Variants in NLGN1 observed in about 807,000 individuals in gnomAD.
The protein encoded by NLGN1 is neuroligin-1.
In NLGN1, 12 loss-of-function variants were observed where a neutral mutation model predicts 65.5. The observed-to-expected ratio is 0.18, with a 90% confidence interval of 0.12 to 0.30. The LOEUF is 0.30. Ranked by LOEUF, NLGN1 falls within the 10% of genes least tolerant of loss-of-function variation. The pLI, the probability that NLGN1 is intolerant of heterozygous loss-of-function variation, is 1.00. For missense variants in NLGN1, 750 were observed against 1,007.1 expected (o/e 0.74, Z 3.46); for synonymous variants, 350 against 359.5 (o/e 0.97, Z 0.30).
At chr3:173,438,087 G>A (rs1329195543) in intron 2 of NLGN1, among the ~76,000 whole-genome samples, 1 of 151,544 alleles carries the variant, frequency 6.6e-6, no homozygotes. Flanking sequence ...ATTCATTTGG[G>A]GTTTATAGCA....
Position 174,279,104 on chromosome 3 carries a change from A to G in NLGN1, c.1103A>G (p.Asp368Gly). The G allele has an allele frequency of 6.2e-7, 1 of 1,613,258 alleles. No homozygotes were observed. The change falls in exon 6 of 7, where the codon GAC becomes GGC. Residue 368 changes from aspartate to glycine, a missense_variant. Physicochemically the swap from Asp to Gly is moderately conservative, Grantham distance 94. Transcript: ENST00000457714. The surrounding 1 kb of genome is among the most constrained non-coding windows in gnomAD (Gnocchi z 4.7). ...ATTGATGGTGATGTAATACCAGACGACCCCCAGATATTGATGGAGCAAGGA... is the reference window on the plus strand; with the variant it reads ...ATTGATGGTGATGTAATACCAGACGGCCCCCAGATATTGATGGAGCAAGGA...
At chr3:173,520,220 C>A (rs746462562) in intron 2 of NLGN1, among the ~76,000 whole-genome samples, 17 of 152,152 alleles carry the variant, frequency 1.1e-4, no homozygotes, top group Non-Finnish European at 2.2e-4. Context: ...GCCAATTAAA[C>A]CTCTTTACAA....
chr3:174,219,009 A>G (rs1738149456), intron 4 of NLGN1, among the ~76,000 whole-genome samples: 1 of 152,084 alleles, frequency 6.6e-6, no homozygotes, highest in Non-Finnish European at 1.5e-5. Flanking sequence ...ATTTTCTACC[A>G]TATTTGTTCA....
intron 1 of NLGN1, among the ~76,000 whole-genome samples, chr3:173,406,276 GAACAAAGAA>G (rs1718633880): frequency 6.6e-6 from 1 of 151,608 alleles, no homozygotes. Flanking sequence ...TTTCCACCAA[GAACAAAGAA>G]AACTTATGCA....
intron 4 of NLGN1, among the ~76,000 whole-genome samples, chr3:174,190,568 A>G (rs573014661): frequency 2.6e-5 from 4 of 152,036 alleles, no homozygotes; most frequent in African/African-American, 7.2e-5. Flanking sequence ...CTATATTAAC[A>G]TATGCATGTA....
intron 3 of NLGN1, among the ~76,000 whole-genome samples, chr3:173,630,785 T>TA: frequency 6.6e-6 from 1 of 152,280 alleles, no homozygotes; most frequent in Non-Finnish European, 1.5e-5. Flanking sequence ...ATGCCTTACT[T>TA]ACATTTTCTT....
At chr3:174,011,287 G>T (rs2152441556) in intron 4 of NLGN1, among the ~76,000 whole-genome samples, 1 of 152,224 alleles carries the variant, frequency 6.6e-6, no homozygotes, top group East Asian at 1.9e-4. Flanking sequence ...TTTAGTGTTT[G>T]TTGGCTTTTC....
chr3:173,456,488 A>G (rs1371118363), intron 2 of NLGN1, among the ~76,000 whole-genome samples: 3 of 152,172 alleles, frequency 2.0e-5, no homozygotes, highest in African/African-American at 4.8e-5. Context: ...TTTACATATT[A>G]GTGTTAATAT....
In NLGN1 at chr3:173,880,568, GT is replaced by G. The variant is rs1217124944; in HGVS notation, c.646+72739del. ...TCCATTAGGTGTACAATATAAGTAT[GT>G]TTAAAAATATATATATATTAATTTA... On this transcript the variant is annotated intron_variant, in intron 4 of 6. Transcript: ENST00000457714. Among the ~76,000 whole-genome samples the G allele has an allele frequency of 3.3e-5, 5 of 150,746 alleles. No individual in the cohort carries two copies. In the East Asian group the frequency reaches 9.7e-4, roughly 29 times the overall value.
intron 4 of NLGN1, among the ~76,000 whole-genome samples, chr3:173,956,109 A>C (rs1422436112): frequency 6.6e-6 from 1 of 152,090 alleles, no homozygotes; most frequent in Non-Finnish European, 1.5e-5. Flanking sequence ...CAAGTACCCA[A>C]ATTTGATAAG....
intron 2 of NLGN1, among the ~76,000 whole-genome samples, chr3:173,593,186 C>T (rs1305626361): frequency 1.3e-5 from 2 of 152,104 alleles, no homozygotes; most frequent in African/African-American, 4.8e-5. Flanking sequence ...AATTGACTTA[C>T]TTAAAGTCTA....
chr3:174,091,089 C>T lies in NLGN1; in HGVS notation c.647-184226C>T, dbSNP rs147116853. Among the ~76,000 whole-genome samples the T allele has an allele frequency of 8.6e-3, 1,304 of 152,164 alleles. 17 individuals carry two copies. The highest frequency in any genetic ancestry group is 0.03 in the African/African-American group (1,228 of 41,510). On this transcript the variant is annotated intron_variant, in intron 4 of 6. Transcript: ENST00000457714. Reference sequence around the variant, plus strand: ...TCTTTTTCAGACAGCTCTGACCTTCCCAGGGCAGTGATTGATTTTAGATGA... The same window carrying T: ...TCTTTTTCAGACAGCTCTGACCTTCTCAGGGCAGTGATTGATTTTAGATGA...
intron 4 of NLGN1, among the ~76,000 whole-genome samples, chr3:173,878,855 G>C (rs546134290): frequency 6.6e-5 from 10 of 152,050 alleles, no homozygotes; most frequent in Admixed American, 1.3e-4. Context: ...GCTGAATCAA[G>C]AGTTATGTGG....
chr3:174,143,698 A>G (rs888986749), intron 4 of NLGN1, among the ~76,000 whole-genome samples: 3 of 152,180 alleles, frequency 2.0e-5, no homozygotes, highest in Non-Finnish European at 4.4e-5. Context: ...TAGTCTATGT[A>G]TAAAATTACG....
intron 4 of NLGN1, among the ~76,000 whole-genome samples, chr3:174,267,347 T>C (rs1748466287): frequency 2.0e-5 from 3 of 152,122 alleles, no homozygotes; most frequent in Admixed American, 2.0e-4. Flanking sequence ...AAGGATCTGC[T>C]TCCATGACCC....
intron 2 of NLGN1, among the ~76,000 whole-genome samples, chr3:173,551,253 A>AAGAG (rs1220470543): frequency 1.0e-5 from 1 of 96,848 alleles, no homozygotes; most frequent in Non-Finnish European, 2.0e-5. Flanking sequence ...AACAAGCAAA[A>AAGAG]ATAGAGTTGA....
At chr3:174,184,556 T>A (rs73038814) in intron 4 of NLGN1, among the ~76,000 whole-genome samples, 7 of 152,302 alleles carry the variant, frequency 4.6e-5, no homozygotes, top group African/African-American at 1.7e-4. Flanking sequence ...CAATATGTGT[T>A]GAAGCTGAAT....
intron 4 of NLGN1, among the ~76,000 whole-genome samples, chr3:174,059,903 G>C (rs1257592361): frequency 6.6e-6 from 1 of 152,114 alleles, no homozygotes; most frequent in African/African-American, 2.4e-5. Flanking sequence ...TTCACACTCT[G>C]CATCTAAGAG....
At chr3:173,907,063 G>A (rs1480398591) in intron 4 of NLGN1, among the ~76,000 whole-genome samples, 1 of 151,982 alleles carries the variant, frequency 6.6e-6, no homozygotes, top group Non-Finnish European at 1.5e-5. Flanking sequence ...TCCCAGGCCT[G>A]GTAGTCATTT....
Sources: gnomAD v4.1 joint callset for allele counts (sites outside exome capture counted in the v4.1 genomes callset) on GRCh38, gnomAD v4.1.1 for gene constraint, Gnocchi (gnomAD v3.1) non-coding constraint, MANE v1.5 for transcripts, NCBI Gene and HGNC (gene_info 2026-07-23, HGNC 2026-07-21) for gene names.